ZZEF1: variants seen among roughly 807,000 people sequenced by gnomAD.
The protein encoded by ZZEF1 is zinc finger ZZ-type and EF-hand domain containing 1.
A neutral mutation model predicts 342.8 loss-of-function variants in ZZEF1; 157 were observed. The observed-to-expected ratio is 0.46, with a 90% CI of 0.40 to 0.52. The LOEUF is 0.52. Among genes scored for constraint, ZZEF1 ranks in the 20% least tolerant of loss-of-function variants. The pLI, the probability that ZZEF1 is intolerant of heterozygous loss-of-function variation, is 0.00. For missense variants in ZZEF1, 3,480 were observed against 3,725.6 expected, an observed-to-expected ratio of 0.93 and a Z score of 1.72; for synonymous variants, 1,505 against 1,429.1, an observed-to-expected ratio of 1.05 and a Z score of -1.20.
chr17:4,104,834 T>C (rs1325678088), intron 7 of ZZEF1, 23 bp from the exon 8 acceptor site: 2 of 1,602,226 alleles, frequency 1.2e-6, no homozygotes, highest in Non-Finnish European at 1.7e-6. Context: ...AGCAAAAACT[T>C]TTCACTTCTT....
rs2058093101 is a variant in ZZEF1 at position 4,099,598 on chromosome 17, T to C, written c.1672+2719A>G. Among the ~76,000 whole-genome samples the C allele has an allele frequency of 4.8e-5, 7 of 147,048 alleles. No individual in the cohort carries two copies. In the South Asian group the frequency reaches 1.5e-3, roughly 31 times the overall value. ...TTTGCTCTTGTCACCCAGGTGGGAG[T>C]GCAATGGCGCAATCTCAGCTCACTG... On this transcript the variant is annotated intron_variant, in intron 9 of 54. Coordinates refer to ENST00000381638, the MANE Select transcript of ZZEF1 (RefSeq NM_015113.4).
chr17:4,134,995 A>G (rs1251787267), intron 1 of ZZEF1, among the ~76,000 whole-genome samples: 1 of 152,166 alleles, frequency 6.6e-6, no homozygotes, highest in Non-Finnish European at 1.5e-5. Flanking sequence ...CTGGAAAGGA[A>G]CAGGGCAGGT....
In ZZEF1 at chr17:4,017,611, G is replaced by A. The variant is rs749881951; in HGVS notation, c.7761C>T (p.Ser2587=). Residue 2587 remains serine, a synonymous_variant, in exon 48 of 55, where the codon AGC becomes AGT. Coordinates refer to ENST00000381638, the MANE Select transcript of ZZEF1 (RefSeq NM_015113.4). The surrounding 1 kb of genome is among the most constrained non-coding windows in gnomAD (Gnocchi z 5.1). Reference sequence around the variant, plus strand: ...TCAGCTCCTTGTGCAGGAGGGCGGCGCTCTTGCTACGGCGCTGCTTGGCAT... The same window carrying A: ...TCAGCTCCTTGTGCAGGAGGGCGGCACTCTTGCTACGGCGCTGCTTGGCAT... ...QSYAKQRRSK[S]AALLHKELNC... The A allele has an allele frequency of 1.1e-5, 18 of 1,614,064 alleles. No individual in the cohort carries two copies. Among genetic ancestry groups the A allele is most frequent in the Non-Finnish European group, 1.3e-5 (15 of 1,180,040 alleles).
chr17:4,129,848 T>C (rs2058635846), intron 1 of ZZEF1, among the ~76,000 whole-genome samples: 1 of 152,092 alleles, frequency 6.6e-6, no homozygotes, highest in Non-Finnish European at 1.5e-5. Context: ...AAGAACAAGA[T>C]CATGTCTTTT....
chr17:4,124,588 G>A (rs981984156), intron 1 of ZZEF1, among the ~76,000 whole-genome samples: 7 of 150,292 alleles, frequency 4.7e-5, no homozygotes, highest in Non-Finnish European at 8.9e-5. Context: ...GACTACAGGC[G>A]CCTGCCACAA....
chr17:4,034,731 T>G (rs1407307589), intron 39 of ZZEF1, among the ~76,000 whole-genome samples: 2 of 152,200 alleles, frequency 1.3e-5, no homozygotes, highest in African/African-American at 2.4e-5. Flanking sequence ...GCATAGTGAC[T>G]CACACCTGTA....
At chr17:4,130,372 G>A (rs762884425) in intron 1 of ZZEF1, among the ~76,000 whole-genome samples, 1 of 152,148 alleles carries the variant, frequency 6.6e-6, no homozygotes, top group Non-Finnish European at 1.5e-5. Context: ...AGAATCGCTT[G>A]AACCCAGGAG....
rs2055792289 is a variant in ZZEF1 at position 4,005,998 on chromosome 17, T to C, written c.*892A>G. On this transcript the variant is annotated 3_prime_UTR_variant, in exon 55 of 55. Coordinates refer to ENST00000381638, the MANE Select transcript of ZZEF1 (RefSeq NM_015113.4). ...AGTCCCAGAGGTGGGTATGACAGAC[T>C]ACCATGACTATCAAGCAGAAATAAA... 6.6e-6 allele frequency: 1 copy of C among 152,176 alleles called. No individual in the cohort carries two copies. Among genetic ancestry groups the C allele is most frequent in the Non-Finnish European group, 1.5e-5 (1 of 68,058 alleles). The allele number at this position is 152,176 out of a possible 1,614,324, so 9.4% of individuals were successfully genotyped here. A position where few individuals can be genotyped will look rare whatever the true frequency, so the allele number is the denominator to read the frequency against.
intron 9 of ZZEF1, among the ~76,000 whole-genome samples, chr17:4,100,774 G>T (rs977299945): frequency 6.6e-6 from 1 of 152,212 alleles, no homozygotes; most frequent in Admixed American, 6.5e-5. Flanking sequence ...GGAGGAGGTT[G>T]CAGTGAGCCA....
chr17:4,090,882 G>A, intron 11 of ZZEF1, 52 bp from the exon 12 acceptor site: 3 of 1,375,578 alleles, frequency 2.2e-6, no homozygotes, highest in South Asian at 2.3e-5. Flanking sequence ...CTTCTCAAGG[G>A]TCTAACAAAT....
intron 30 of ZZEF1, 80 bp downstream of exon 30, chr17:4,062,673 C>CTA: frequency 7.1e-7 from 1 of 1,401,566 alleles, no homozygotes; most frequent in South Asian, 1.5e-5. Context: ...AATGATGCTG[C>CTA]TATTAATCAG....
chr17:4,106,689 T>C (rs1023154735), intron 6 of ZZEF1, among the ~76,000 whole-genome samples: 2 of 152,230 alleles, frequency 1.3e-5, no homozygotes, highest in East Asian at 1.9e-4. Flanking sequence ...AATCCCCCAA[T>C]AGCTTTACCT....
In ZZEF1 at chr17:4,114,592, T is replaced by G. The variant is rs1402956089; in HGVS notation, c.695-122A>C. The G allele has an allele frequency of 6.3e-6, 5 of 792,326 alleles. No homozygotes were observed. The Admixed American group carries it at 1.7e-4, about 27-fold the overall frequency. The allele number at this position is 792,326 out of a possible 1,614,324, so 49.1% of individuals were successfully genotyped here. On this transcript the variant is annotated intron_variant, in intron 3 of 54. Transcript: ENST00000381638. ...TGGCCCTAGAAACACAAATCTTCCTTAAAATCTCCTTCCAGATCCTTTTGT... is the reference window on the plus strand; with the variant it reads ...TGGCCCTAGAAACACAAATCTTCCTGAAAATCTCCTTCCAGATCCTTTTGT...
intron 1 of ZZEF1, among the ~76,000 whole-genome samples, chr17:4,133,536 T>C (rs1414902894): frequency 6.6e-6 from 1 of 152,142 alleles, no homozygotes; most frequent in African/African-American, 2.4e-5. Flanking sequence ...GGTGAACTCC[T>C]ATCAACTCTA....
At position 4,086,637 on chromosome 17, in the gene ZZEF1, G is replaced by A. The variant is rs1185922943; in HGVS notation, c.2361C>T (p.Val787=). Residue 787 remains valine, a synonymous_variant, in exon 15 of 55, where the codon GTC becomes GTT. Transcript: ENST00000381638. Reference sequence around the variant, plus strand: ...GCTGCAGAAGCAGGGTTTGGGCAGAGACGCATTCTTCCCTCGGGCTACAGA... The same window carrying A: ...GCTGCAGAAGCAGGGTTTGGGCAGAAACGCATTCTTCCCTCGGGCTACAGA... ...KLKQNPREEC[V]SAQTLLLQLL... 1 of 1,613,886 alleles carries A rather than the reference G, an allele frequency of 6.2e-7. No homozygotes were observed. The highest frequency in any genetic ancestry group is 1.3e-5 in the African/African-American group (1 of 75,018).
chr17:4,044,083 A>G, intron 38 of ZZEF1, 141 bp downstream of exon 38: 1 of 818,000 alleles, frequency 1.2e-6, no homozygotes, highest in Non-Finnish European at 2.0e-6. Flanking sequence ...AGGTGTCATC[A>G]GCACCATCTG....
At chr17:4,095,235 T>C (rs974292350) in intron 11 of ZZEF1, among the ~76,000 whole-genome samples, 5 of 152,218 alleles carry the variant, frequency 3.3e-5, no homozygotes, top group Non-Finnish European at 4.4e-5. Context: ...CAACTCATCC[T>C]TCATAAACAG....
chr17:4,017,252 C>T lies in ZZEF1; in HGVS notation c.8001+119G>A. ...GACCCTACCTTTGCTGCATTCACAC[C>T]TGTCAGGGAGCTGCACAGCCACACA... is the stretch of plus-strand genomic sequence containing the variant. On this transcript the variant is annotated intron_variant, in intron 48 of 54. Transcript: ENST00000381638. The surrounding 1 kb of genome is among the most constrained non-coding windows in gnomAD (Gnocchi z 5.1). The T allele has an allele frequency of 7.1e-7, 1 of 1,399,438 alleles. No individual in the cohort carries two copies. The highest frequency in any genetic ancestry group is 2.3e-5 in the East Asian group (1 of 43,110). 86.7% of individuals were successfully genotyped at this position (1,399,438 alleles called of 1,614,324 possible).
chr17:4,118,732 C>T (rs2058437486), intron 2 of ZZEF1, among the ~76,000 whole-genome samples: 1 of 152,232 alleles, frequency 6.6e-6, no homozygotes, highest in Non-Finnish European at 1.5e-5. Flanking sequence ...GGGCGAAATA[C>T]AGCAACTTAT....
Sources: gnomAD v4.1 joint callset for allele counts (sites outside exome capture counted in the v4.1 genomes callset) on GRCh38, gnomAD v4.1.1 for gene constraint, Gnocchi (gnomAD v3.1) non-coding constraint, MANE v1.5 for transcripts, NCBI Gene and HGNC (gene_info 2026-07-23, HGNC 2026-07-21) for gene names.